Variants in MAN2A2 observed in about 807,000 individuals in gnomAD.
MAN2A2 encodes alpha-mannosidase 2x.
A neutral mutation model predicts 126.8 loss-of-function variants in MAN2A2; 79 were observed. That is an observed-to-expected ratio of 0.62 (90% CI 0.52 to 0.75). The LOEUF is 0.75. Among genes scored for constraint, MAN2A2 ranks in the 30% least tolerant of loss-of-function variants. The pLI, the probability that MAN2A2 is intolerant of heterozygous loss-of-function variation, is 0.00. For synonymous variants in MAN2A2, 671 were observed against 618.7 expected, an observed-to-expected ratio of 1.08 and a Z score of -1.25; for missense variants, 1,392 against 1,522.4, an observed-to-expected ratio of 0.91 and a Z score of 1.43.
Position 90,911,197 on chromosome 15 carries a change from C to T in MAN2A2, c.1902C>T (p.Ala634=). The T allele has an allele frequency of 6.2e-7, 1 of 1,614,096 alleles. No homozygotes were observed. The highest frequency in any genetic ancestry group is 8.5e-7 in the Non-Finnish European group (1 of 1,180,012). ...ATGACACTCGCTTAAGTCACGACGC[C>T]CTCCCAGAGCGCACGGTGATCCAGC... ...QVDDTRLSHD[A]LPERTVIQLD... The change falls in exon 13 of 23, where the codon GCC becomes GCT. Residue 634 remains alanine (A), a synonymous_variant. Coordinates refer to ENST00000559717, the MANE Select transcript of MAN2A2 (RefSeq NM_006122.4).
At chr15:90,916,369 A>G (rs1047465522) in intron 20 of MAN2A2, 113 bp downstream of exon 20, 6 of 1,380,096 alleles carry the variant, frequency 4.3e-6, no homozygotes, top group Non-Finnish European at 5.9e-6. Flanking sequence ...AGAGAGAGAG[A>G]GTAGGGCTGA....
At chr15:90,918,914 C>A (rs1405075345) in intron 22 of MAN2A2, among the ~76,000 whole-genome samples, 159 bp downstream of exon 22, 4 of 152,176 alleles carry the variant, frequency 2.6e-5, no homozygotes, top group Middle Eastern at 6.3e-3. Flanking sequence ...GCTCCGGAGG[C>A]CTGGCAGGGG....
chr15:90,906,796 C>A lies in MAN2A2; in HGVS notation c.892C>A (p.Pro298Thr). The stretch of plus-strand genomic sequence containing the variant: ...CCCCTTTGGATACAGCTCCACCATG[C>A]CTTACCTGCTGCGCCGTGCCAACCT... Reference protein sequence around the residue: ...VDPFGYSSTMPYLLRRANLTS... With the variant: ...VDPFGYSSTMTYLLRRANLTS... Residue 298 changes from proline to threonine, a missense_variant, in exon 7 of 23, where the codon CCT becomes ACT. Physicochemically the swap from Pro to Thr is conservative, Grantham distance 38. Coordinates refer to ENST00000559717, the MANE Select transcript of MAN2A2 (RefSeq NM_006122.4). 1 of 1,613,916 alleles carries A rather than the reference C, an allele frequency of 6.2e-7. No homozygotes were observed. The highest frequency in any genetic ancestry group is 8.5e-7 in the Non-Finnish European group (1 of 1,179,984).
intron 8 of MAN2A2, 93 bp from the exon 9 acceptor site, chr15:90,909,234 G>C: frequency 7.8e-7 from 1 of 1,278,306 alleles, no homozygotes; most frequent in Non-Finnish European, 1.1e-6. Context: ...TGGATGGGAT[G>C]TCTTCTAGGG....
Position 90,918,228 on chromosome 15 carries a change from T to C in MAN2A2, c.3029T>C (p.Leu1010Pro). ...AGCCACTCTACCAGCTACCCATCCC[T>C]CCTCAGCCACCTGACCTCCATGTAC... ...QDSHSTSYPS[L>P]LSHLTSMYLN... The change falls in exon 21 of 23, where the codon CTC becomes CCC. Residue 1010 changes from leucine to proline, a missense_variant. Coordinates refer to ENST00000559717, the MANE Select transcript of MAN2A2 (RefSeq NM_006122.4). 1 of 1,613,912 alleles carries C rather than the reference T, an allele frequency of 6.2e-7. No homozygotes were observed. The highest frequency in any genetic ancestry group is 8.5e-7 in the Non-Finnish European group (1 of 1,179,912).
chr15:90,912,260 G>A lies in MAN2A2; in HGVS notation c.2327G>A (p.Gly776Asp). Reference sequence around the variant, plus strand: ...CGCTACATGCAGGTCTGGTTCTCAGGCCTTACTGGGCTCCTCAAGGTAAAA... The same window carrying A: ...CGCTACATGCAGGTCTGGTTCTCAGACCTTACTGGGCTCCTCAAGGTAAAA... The part of the protein sequence containing the change: ...SNRYMQVWFS[G>D]LTGLLKSIRR... Residue 776 changes from glycine (G) to aspartate (D), a missense_variant, in exon 15 of 23, where the codon GGC becomes GAC. Physicochemically the swap from Gly to Asp is moderately conservative, Grantham distance 94. Transcript: ENST00000559717. 1 of 1,614,232 alleles carries A rather than the reference G, an allele frequency of 6.2e-7. No individual in the cohort carries two copies. The highest frequency in any genetic ancestry group is 8.5e-7 in the Non-Finnish European group (1 of 1,180,042).
chr15:90,904,052 G>A, intron 1 of MAN2A2, 138 bp from the exon 2 acceptor site: 1 of 911,676 alleles, frequency 1.1e-6, no homozygotes, highest in Non-Finnish European at 1.8e-6. Context: ...AGCCTCAGAT[G>A]TGCTGCTTGT....
rs773907632 is a variant in MAN2A2, at chr15:90,911,329, C to T, written c.1944-56C>T. 9.9e-6 allele frequency: 16 copies of T among 1,612,230 alleles called. No individual in the cohort carries two copies. The African/African-American group carries it at 1.1e-4, about 11-fold the overall frequency. ...CAGCATGTGCTGAACCAGTGCAGGG[C>T]GCTTGCCCTGGTCGGAAGCAGCAGC... On this transcript the variant is annotated intron_variant, in intron 13 of 22. Transcript: ENST00000559717.
At chr15:90,915,765 T>C (rs2035121036) in intron 19 of MAN2A2, among the ~76,000 whole-genome samples, 1 of 152,256 alleles carries the variant, frequency 6.6e-6, no homozygotes. Context: ...GCTGTTGATC[T>C]AAGTTTTTCA....
Position 90,910,953 on chromosome 15 carries a change from C to A in MAN2A2, c.1867C>A (p.Leu623Ile). The A allele has an allele frequency of 6.2e-7, 1 of 1,613,616 alleles. No homozygotes were observed. The highest frequency in any genetic ancestry group is 1.1e-5 in the South Asian group (1 of 91,078). ...CCACTTTGACCCTGAGGCGCCCTTC[C>A]TCCAAGTGGTGAGCCCCTCCTGGGT... ...TYHFDPEAPF[L>I]QVDDTRLSHD... The change falls in exon 12 of 23, where the codon CTC becomes ATC. Residue 623 changes from leucine (L) to isoleucine (I), a missense_variant. By Grantham distance (5) the Leu-to-Ile change is conservative. Coordinates refer to ENST00000559717, the MANE Select transcript of MAN2A2 (RefSeq NM_006122.4).
intron 2 of MAN2A2, among the ~76,000 whole-genome samples, chr15:90,904,887 G>C (rs528559405): frequency 6.6e-6 from 1 of 152,206 alleles, no homozygotes; most frequent in Non-Finnish European, 1.5e-5. Context: ...GGGCCACCGC[G>C]CCCAGCCCCT....
At chr15:90,903,086 A>T (rs28446644), upstream of MAN2A2, 11,493 of 151,916 alleles carry the variant, frequency 0.076, 1,422 homozygotes, top group African/African-American at 0.26. Context: ...AGGAAGGGAC[A>T]GGAGGCTGCC....
chr15:90,905,519 G>A lies in MAN2A2; in HGVS notation c.390+11G>A. 1 of 1,614,142 alleles carries A rather than the reference G, an allele frequency of 6.2e-7. No homozygotes were observed. Among genetic ancestry groups the A allele is most frequent in the Non-Finnish European group, 8.5e-7 (1 of 1,180,028 alleles). On this transcript the variant is annotated intron_variant, in intron 3 of 22. Coordinates refer to ENST00000559717, the MANE Select transcript of MAN2A2 (RefSeq NM_006122.4). ...AAGCCAGAGCTGCAGGTAAGAGTCA[G>A]AGCTGGCAGGGACGTACAGTGGCCA...
In MAN2A2 at chr15:90,910,316, G is replaced by A. The variant is rs752595578; in HGVS notation, c.1577+24G>A. ...CGGTGAGACCCTGTCCCCGCTTCCA[G>A]GCTGGAGGGGGAGAGTCAGCCTTTG... On this transcript the variant is annotated intron_variant, in intron 10 of 22. Transcript: ENST00000559717. The A allele has an allele frequency of 2.6e-5, 42 of 1,612,294 alleles. No individual in the cohort carries two copies. The Admixed American group carries it at 5.2e-4, about 20-fold the overall frequency.
At chr15:90,903,224 T>A (rs1271099238), upstream of MAN2A2, 3 of 152,306 alleles carry the variant, frequency 2.0e-5, no homozygotes, top group East Asian at 5.8e-4. Context: ...TCCAACTCTC[T>A]CCCCAGCTCC....
chr15:90,906,617 C>G (rs1283642182), intron 6 of MAN2A2, 120 bp downstream of exon 6: 8 of 1,561,768 alleles, frequency 5.1e-6, no homozygotes, highest in Non-Finnish European at 6.1e-6. Context: ...CCATGTGGGC[C>G]TGGTGTGATA....
Position 90,912,270 on chromosome 15 carries a change from G to T in MAN2A2, c.2337G>T (p.Gly779=). 1 of 1,614,226 alleles carries T rather than the reference G, an allele frequency of 6.2e-7. No homozygotes were observed. The highest frequency in any genetic ancestry group is 8.5e-7 in the Non-Finnish European group (1 of 1,180,030). ...YMQVWFSGLT[G]LLKSIRRVDE... is the part of the protein sequence containing the mutation. ...AGGTCTGGTTCTCAGGCCTTACTGG[G>T]CTCCTCAAGGTAAAAGGCCAGGGTG... Residue 779 remains glycine, a synonymous_variant, in exon 15 of 23, where the codon GGG becomes GGT. Transcript: ENST00000559717.
chr15:90,905,342 T>A lies in MAN2A2; in HGVS notation c.224T>A (p.Val75Glu), dbSNP rs1485024918. The change falls in exon 3 of 23, where the codon GTG becomes GAG. Residue 75 changes from valine (V) to glutamate (E), a missense_variant. Val to Glu is a moderately radical substitution (Grantham distance 121). Coordinates refer to ENST00000559717, the MANE Select transcript of MAN2A2 (RefSeq NM_006122.4). ...ATTATCAGCCATATCAAGGACTCCG[T>A]GCTGGAGCTGACAGCCAACGCAGAG... ...HEIISHIKDS[V>E]LELTANAEGP... 1.7e-5 allele frequency: 28 copies of A among 1,613,808 alleles called. No homozygotes were observed. The highest frequency in any genetic ancestry group is 2.2e-5 in the Non-Finnish European group (26 of 1,180,050).
rs889099667 is a variant in MAN2A2 at position 90,911,384 on chromosome 15, G to A, written c.1944-1G>A. ...TGGGTCAGCCCACCTTCTACGCACA[G>A]GTTTGTGGTCCTATTCAACCCACTG... is the stretch of plus-strand genomic sequence containing the variant. On this transcript the variant is annotated splice_acceptor_variant, in intron 13 of 22. Coordinates refer to ENST00000559717, the MANE Select transcript of MAN2A2 (RefSeq NM_006122.4). LOFTEE classifies it high-confidence loss of function. 1.9e-6 allele frequency: 3 copies of A among 1,614,102 alleles called. No individual in the cohort carries two copies. Among genetic ancestry groups the A allele is most frequent in the Non-Finnish European group, 2.5e-6 (3 of 1,180,032 alleles).
Sources: gnomAD v4.1 joint callset for allele counts (sites outside exome capture counted in the v4.1 genomes callset) on GRCh38, gnomAD v4.1.1 for gene constraint, MANE v1.5 for transcripts, NCBI Gene and HGNC (gene_info 2026-07-23, HGNC 2026-07-21) for gene names.